Variants in CNTNAP5 observed in about 807,000 individuals in gnomAD.
CNTNAP5 encodes the protein contactin associated protein family member 5.
In CNTNAP5, 72 loss-of-function variants were observed where a neutral mutation model predicts 150.2. The observed-to-expected ratio is 0.48, with a 90% confidence interval of 0.40 to 0.58. The LOEUF (loss-of-function observed/expected upper bound fraction) is 0.58. Among genes scored for constraint, CNTNAP5 ranks in the 20% least tolerant of loss-of-function variants. The pLI is 0.00. For missense variants in CNTNAP5, 1,636 were observed against 1,626.2 expected (o/e 1.01, Z -0.10); for synonymous variants, 672 against 619.8 (o/e 1.08, Z -1.25).
At chr2:124,198,317 A>G (rs1219030151) in intron 1 of CNTNAP5, among the ~76,000 whole-genome samples, 1 of 152,096 alleles carries the variant, frequency 6.6e-6, no homozygotes, top group African/African-American at 2.4e-5. Flanking sequence ...ATGGTTGCCA[A>G]AATTATCTTT....
intron 13 of CNTNAP5, among the ~76,000 whole-genome samples, chr2:124,685,761 T>TGTGTGC (rs138014725): frequency 0.016 from 2,076 of 133,870 alleles, 17 homozygotes; most frequent in Middle Eastern, 0.04. Context: ...TGTGTGTGTG[T>TGTGTGC]GCGCGCGCGT....
In CNTNAP5 at chr2:124,199,413, C is replaced by CTTTTTTTT. The variant is rs70996049; in HGVS notation, c.83-22280_83-22273dup. 2.1e-4 allele frequency among the ~76,000 whole-genome samples: 23 copies of CTTTTTTTT among 110,032 alleles called. 2 individuals carry two copies. Among genetic ancestry groups the CTTTTTTTT allele is most frequent in the South Asian group, 3.4e-4 (1 of 2,936 alleles). The allele number at this position is 110,032 out of a possible 152,430, so 72.2% of individuals were successfully genotyped here. A position where few individuals can be genotyped will look rare whatever the true frequency, so the allele number is the denominator to read the frequency against. ...ATTTTGTTACATTTATTCCAAGGTTCTTTTTTTTTTTTTTTTTTTGAGACG... is the reference window on the plus strand; with the variant it reads ...ATTTTGTTACATTTATTCCAAGGTTCTTTTTTTTTTTTTTTTTTTTTTTTTTTGAGACG... On this transcript the variant is annotated intron_variant, in intron 1 of 23. Coordinates refer to ENST00000682447, the MANE Select transcript of CNTNAP5 (RefSeq NM_001367498.1).
intron 10 of CNTNAP5, among the ~76,000 whole-genome samples, chr2:124,545,487 G>C (rs1695491381): frequency 6.6e-6 from 1 of 152,132 alleles, no homozygotes; most frequent in South Asian, 2.1e-4. Context: ...AAAAGATATT[G>C]ATCAGTCTGG....
At chr2:124,452,519 T>G (rs1279591823) in intron 6 of CNTNAP5, among the ~76,000 whole-genome samples, 8 of 152,178 alleles carry the variant, frequency 5.3e-5, no homozygotes, top group African/African-American at 1.9e-4. Flanking sequence ...GGCCACCACC[T>G]GTTCCTCTCC....
At chr2:124,223,886 C>A (rs114668647) in intron 2 of CNTNAP5, among the ~76,000 whole-genome samples, 11 of 151,296 alleles carry the variant, frequency 7.3e-5, no homozygotes, top group Admixed American at 2.0e-4. Context: ...TTGGGATGCA[C>A]TGACCTAGAA....
intron 11 of CNTNAP5, among the ~76,000 whole-genome samples, chr2:124,576,367 T>C (rs13021695): frequency 0.17 from 26,172 of 151,976 alleles, 2,456 homozygotes; most frequent in South Asian, 0.24. Context: ...GATTTTGCTG[T>C]CGTGATGCCT....
chr2:124,132,364 G>A (rs1683872221), intron 1 of CNTNAP5, among the ~76,000 whole-genome samples: 1 of 152,168 alleles, frequency 6.6e-6, no homozygotes, highest in African/African-American at 2.4e-5. Context: ...ATTTAAGTGA[G>A]CTGAACTGTG....
At chr2:124,154,487 G>A (rs1041456024) in intron 1 of CNTNAP5, among the ~76,000 whole-genome samples, 7 of 152,108 alleles carry the variant, frequency 4.6e-5, no homozygotes, top group South Asian at 2.1e-4. Flanking sequence ...CCCCTCCCCC[G>A]AGGTGCAGAA....
At chr2:124,064,204 G>T (rs556906325) in intron 1 of CNTNAP5, among the ~76,000 whole-genome samples, 1 of 152,210 alleles carries the variant, frequency 6.6e-6, no homozygotes, top group East Asian at 1.9e-4. Flanking sequence ...ATCTGAATCA[G>T]GATTTCTACC....
intron 1 of CNTNAP5, among the ~76,000 whole-genome samples, chr2:124,145,794 T>TAAAAAAAAAAAAAAATAAAAA (rs759470861): frequency 3.4e-5 from 1 of 29,534 alleles, no homozygotes; most frequent in Non-Finnish European, 7.3e-5. Flanking sequence ...TAAAGTATAA[T>TAAAAAAAAAAAAAAATAAAAA]AAAAAAAAAA....
intron 3 of CNTNAP5, among the ~76,000 whole-genome samples, chr2:124,339,556 G>A (rs1301450343): frequency 1.3e-5 from 2 of 152,184 alleles, no homozygotes; most frequent in Non-Finnish European, 2.9e-5. Context: ...GGAGGAAATA[G>A]ACAATAGATT....
chr2:124,396,890 G>T (rs1218385144), intron 3 of CNTNAP5, among the ~76,000 whole-genome samples: 1 of 152,140 alleles, frequency 6.6e-6, no homozygotes, highest in Non-Finnish European at 1.5e-5. Flanking sequence ...CCAGTATTTT[G>T]CTCCAGGACT....
At chr2:124,871,045 G>A (rs1334813431) in intron 21 of CNTNAP5, among the ~76,000 whole-genome samples, 1 of 151,938 alleles carries the variant, frequency 6.6e-6, no homozygotes, top group East Asian at 1.9e-4. Context: ...ATCCCTGATT[G>A]AGTTTATTTC....
intron 21 of CNTNAP5, among the ~76,000 whole-genome samples, chr2:124,882,872 A>C (rs1677994988): frequency 6.6e-6 from 1 of 152,034 alleles, no homozygotes; most frequent in Non-Finnish European, 1.5e-5. Flanking sequence ...CATGCAGTGC[A>C]GAAGGGGAAA....
At chr2:124,311,524 G>GGTGGAGACC (rs1688831571) in intron 3 of CNTNAP5, among the ~76,000 whole-genome samples, 1 of 152,098 alleles carries the variant, frequency 6.6e-6, no homozygotes, top group Non-Finnish European at 1.5e-5. Context: ...ATCCTACTAG[G>GGTGGAGACC]TCTCCACCCT....
intron 1 of CNTNAP5, among the ~76,000 whole-genome samples, chr2:124,215,238 C>T (rs1017456172): frequency 6.6e-6 from 1 of 152,154 alleles, no homozygotes; most frequent in Admixed American, 6.5e-5. Context: ...TCCAAATCCC[C>T]ACATACAGAC....
chr2:124,645,010 T>C (rs1201791094), intron 12 of CNTNAP5, among the ~76,000 whole-genome samples: 2 of 152,228 alleles, frequency 1.3e-5, no homozygotes, highest in Admixed American at 1.3e-4. Flanking sequence ...CATTTAGTAT[T>C]ATAGATTAGA....
At chr2:124,840,858 G>T (rs1188408642) in intron 19 of CNTNAP5, among the ~76,000 whole-genome samples, 1 of 152,068 alleles carries the variant, frequency 6.6e-6, no homozygotes, top group African/African-American at 2.4e-5. Context: ...CACTTAGCAG[G>T]CTGCATGGGG....
At chr2:124,486,053 C>G (rs1320673303) in intron 7 of CNTNAP5, among the ~76,000 whole-genome samples, 54 of 152,080 alleles carry the variant, frequency 3.6e-4, no homozygotes, top group Admixed American at 3.5e-3. Context: ...ATAGAACCAG[C>G]CTAAATGCCC....
Sources: allele counts gnomAD v4.1 joint callset (sites outside exome capture counted in the v4.1 genomes callset), GRCh38; gene constraint gnomAD v4.1.1; transcripts MANE v1.5; gene names NCBI Gene and HGNC (gene_info 2026-07-23, HGNC 2026-07-21).